POM121C: variants seen among roughly 807,000 people sequenced by gnomAD.
The protein encoded by POM121C is nuclear envelope pore membrane protein POM 121C.
A neutral mutation model predicts 66.4 loss-of-function variants in POM121C; 20 were observed. That is an observed-to-expected ratio of 0.30 (90% CI 0.21 to 0.44). The LOEUF is 0.44. Ranked by LOEUF, POM121C falls within the 20% of genes least tolerant of loss-of-function variation. POM121C has a pLI of 1.00. For synonymous variants in POM121C, 286 were observed against 528.0 expected (o/e 0.54, Z 6.28); for missense variants, 580 against 1,225.7 (o/e 0.47, Z 7.87).
At chr7:75,421,283 T>C in intron 13 of POM121C, 1 of 1,278,346 alleles carries the variant, frequency 7.8e-7, no homozygotes, top group Non-Finnish European at 1.0e-6. Flanking sequence ...ACCTTCAGCT[T>C]ACAATTGTTA....
rs1792009989 is a variant in POM121C at position 75,474,691 on chromosome 7, TC to T, written c.-152+12del. 7.1e-7 allele frequency: 1 copy of T among 1,408,850 alleles called. No individual in the cohort carries two copies. Among genetic ancestry groups the T allele is most frequent in the African/African-American group, 1.4e-5 (1 of 70,240 alleles). The allele number at this position is 1,408,850 out of a possible 1,614,324, so 87.3% of individuals were successfully genotyped here. A position where few individuals can be genotyped will look rare whatever the true frequency, so the allele number is the denominator to read the frequency against. ...ATGAGCATTTTTTAACATTTGATAC[TC>T]TACTAACTTACCAGGACTATGTTGA... On this transcript the variant is annotated intron_variant, in intron 3 of 14. Coordinates refer to ENST00000615331, the MANE Select transcript of POM121C (RefSeq NM_001099415.3).
chr7:75,485,272 C>T (rs3100016), intron 1 of POM121C, among the ~76,000 whole-genome samples: 84 of 151,830 alleles, frequency 5.5e-4, no homozygotes, highest in Non-Finnish European at 8.8e-4. Flanking sequence ...TCTAACTGAA[C>T]TTGGTTATTG....
At chr7:75,484,017 A>G (rs1554480516) in intron 1 of POM121C, among the ~76,000 whole-genome samples, 1 of 151,712 alleles carries the variant, frequency 6.6e-6, no homozygotes, top group African/African-American at 2.4e-5. Flanking sequence ...CAGGAGAATC[A>G]CTTGAACCCA....
chr7:75,436,240 C>T (rs1790403114), intron 7 of POM121C, among the ~76,000 whole-genome samples: 1 of 152,150 alleles, frequency 6.6e-6, no homozygotes, highest in Non-Finnish European at 1.5e-5. Context: ...TCTTATCTCT[C>T]CTAAAACTTA....
Position 75,418,739 on chromosome 7 carries a change from C to A in POM121C, c.*57G>T, listed in dbSNP as rs3973309. 16 of 1,542,258 alleles carry A rather than the reference C, an allele frequency of 1.0e-5. No individual in the cohort carries two copies. The highest frequency in any genetic ancestry group is 1.4e-5 in the African/African-American group (1 of 71,690). On this transcript the variant is annotated 3_prime_UTR_variant, in exon 15 of 15. Coordinates refer to ENST00000615331, the MANE Select transcript of POM121C (RefSeq NM_001099415.3). ...GAAGGGTCCAAGGCTCTTTCTAGCA[C>A]GTGCCAAGGTCCAGATTTAGGGAAG...
chr7:75,426,946 G>C (rs1315248295), intron 7 of POM121C, among the ~76,000 whole-genome samples: 5 of 149,060 alleles, frequency 3.4e-5, no homozygotes, highest in Admixed American at 1.3e-4. Context: ...TGTGAATAAA[G>C]GTAGAAGGGA....
intron 3 of POM121C, among the ~76,000 whole-genome samples, chr7:75,441,947 C>T (rs1554474068): frequency 9.4e-6 from 1 of 106,258 alleles, no homozygotes; most frequent in East Asian, 4.0e-4. Context: ...AGAAGGGAAT[C>T]GTTTTGGCAA....
At chr7:75,468,126 T>TAAAAA (rs368723160) in intron 3 of POM121C, among the ~76,000 whole-genome samples, 164 of 64,280 alleles carry the variant, frequency 2.6e-3, no homozygotes, top group Non-Finnish European at 4.4e-3. Context: ...AGACTCTGTC[T>TAAAAA]AAAAAAAAAA....
intron 1 of POM121C, among the ~76,000 whole-genome samples, chr7:75,482,585 G>T (rs1472397307): frequency 2.6e-5 from 4 of 152,178 alleles, no homozygotes; most frequent in Non-Finnish European, 5.9e-5. Flanking sequence ...AGCTAGGCGG[G>T]AGGCTGAGGC....
rs587637671 is a variant in POM121C at position 75,485,627 on chromosome 7, T to A, written c.-458+237A>T. On this transcript the variant is annotated intron_variant, in intron 1 of 14. Transcript: ENST00000615331. The stretch of plus-strand genomic sequence containing the variant: ...AGGACTGTTAGGGGTTAGCGGGGAG[T>A]GGAGACGACGTCCGCAGCTGAGGGT... Among the ~76,000 whole-genome samples the A allele has an allele frequency of 5.3e-5, 8 of 151,680 alleles. 1 individual carries two copies. In the South Asian group the frequency reaches 1.7e-3, roughly 32 times the overall value.
intron 1 of POM121C, among the ~76,000 whole-genome samples, chr7:75,479,629 A>AAATG (rs1792234756): frequency 6.8e-6 from 1 of 146,918 alleles, no homozygotes; most frequent in Non-Finnish European, 1.5e-5. Flanking sequence ...ATAAATAAAT[A>AAATG]AATAAATAAA....
At chr7:75,439,480 G>C (rs1457229292) in intron 5 of POM121C, among the ~76,000 whole-genome samples, 1 of 152,102 alleles carries the variant, frequency 6.6e-6, no homozygotes, top group Non-Finnish European at 1.5e-5. Context: ...CTGCCTCCCG[G>C]GTTCAACCAA....
chr7:75,473,890 G>A (rs1478608164), intron 3 of POM121C, among the ~76,000 whole-genome samples: 50 of 151,872 alleles, frequency 3.3e-4, no homozygotes, highest in African/African-American at 1.1e-3. Flanking sequence ...GGGTTTCACC[G>A]TTTTAGCCGG....
At chr7:75,470,910 A>G (rs1293021213) in intron 3 of POM121C, among the ~76,000 whole-genome samples, 1 of 152,202 alleles carries the variant, frequency 6.6e-6, no homozygotes, top group African/African-American at 2.4e-5. Context: ...CTGGGATTAC[A>G]GGCATAAGCC....
In POM121C at chr7:75,485,947, G is replaced by C. The variant is rs1192229842; in HGVS notation, c.-541C>G. ...GTCGCTGGCGCGCGCGTCTGCTCGC[G>C]AGGTCCCCTCCTGTCCACCTCACCA... On this transcript the variant is annotated 5_prime_UTR_variant, in exon 1 of 15. Coordinates refer to ENST00000615331, the MANE Select transcript of POM121C (RefSeq NM_001099415.3). The C allele has an allele frequency of 2.2e-5, 11 of 499,028 alleles. No homozygotes were observed. The East Asian group carries it at 3.6e-4, about 16-fold the overall frequency. The allele number at this position is 499,028 out of a possible 1,614,324, so 30.9% of individuals were successfully genotyped here.
intron 8 of POM121C, 27 bp from the exon 9 acceptor site, chr7:75,425,735 T>C (rs587718022): frequency 6.3e-7 from 1 of 1,590,158 alleles, no homozygotes; most frequent in South Asian, 1.1e-5. Context: ...AACAATTTAG[T>C]CTAGAAAGAC....
rs111348796 is a variant in POM121C at position 75,424,681 on chromosome 7, G to A, written c.769-53C>T. On this transcript the variant is annotated intron_variant, in intron 10 of 14. Transcript: ENST00000615331. ...GCCAATCAGAAAAAACGGGAAGGCT[G>A]GGCGTGGTGGCTAACGCCGGTAATC... 4.4e-6 allele frequency: 7 copies of A among 1,604,166 alleles called. No individual in the cohort carries two copies. In the South Asian group the frequency reaches 5.5e-5, roughly 13 times the overall value.
At chr7:75,474,350 T>A (rs1791993310) in intron 3 of POM121C, among the ~76,000 whole-genome samples, 1 of 152,074 alleles carries the variant, frequency 6.6e-6, no homozygotes, top group African/African-American at 2.4e-5. Context: ...GCTGAGATCA[T>A]ACCAGTGCAC....
At chr7:75,438,859 T>C (rs1411188742) in intron 6 of POM121C, among the ~76,000 whole-genome samples, 1 of 152,246 alleles carries the variant, frequency 6.6e-6, no homozygotes, top group Non-Finnish European at 1.5e-5. Flanking sequence ...TCTTATCCGC[T>C]GCACAAACTT....
Sources: allele counts gnomAD v4.1 joint callset (sites outside exome capture counted in the v4.1 genomes callset), GRCh38; gene constraint gnomAD v4.1.1; transcripts MANE v1.5; gene names NCBI Gene and HGNC (gene_info 2026-07-23, HGNC 2026-07-21).